PRRX1: variants seen among roughly 807,000 people sequenced by gnomAD.
PRRX1 encodes the protein paired mesoderm homeobox protein 1.
Under a neutral mutation model 24.0 loss-of-function variants are expected in PRRX1, and 8 were observed. The observed-to-expected ratio is 0.33, with a 90% CI of 0.20 to 0.60. PRRX1 has a LOEUF of 0.60. Ranked by LOEUF, PRRX1 falls within the 20% of genes least tolerant of loss-of-function variation. The pLI is 0.82. For synonymous variants in PRRX1, 160 were observed against 131.7 expected, an observed-to-expected ratio of 1.22 and a Z score of -1.47; for missense variants, 281 against 322.4, an observed-to-expected ratio of 0.87 and a Z score of 0.98.
Position 170,704,431 on chromosome 1 carries a change from A to T in PRRX1, c.242-15295A>T, listed in dbSNP as rs1654494410. Among the ~76,000 whole-genome samples, 2 of 152,336 alleles carry T rather than the reference A, an allele frequency of 1.3e-5. 1 individual carries two copies. The highest frequency in any genetic ancestry group is 6.8e-3 in the Middle Eastern group (2 of 294). On this transcript the variant is annotated intron_variant, in intron 1 of 3. Coordinates refer to ENST00000239461, the MANE Select transcript of PRRX1 (RefSeq NM_022716.4). The stretch of plus-strand genomic sequence containing the variant: ...TGGTTAACTTTTGGCATGAGACCAC[A>T]AAAAACACACTCCAAATATTCATCA...
intron 1 of PRRX1, among the ~76,000 whole-genome samples, chr1:170,708,342 A>T (rs1019494453): frequency 6.6e-6 from 1 of 151,798 alleles, no homozygotes; most frequent in African/African-American, 2.4e-5. Flanking sequence ...TTCTCATATG[A>T]CCTTAGTGCA....
intron 1 of PRRX1, among the ~76,000 whole-genome samples, chr1:170,697,589 A>T (rs1571329774): frequency 6.6e-6 from 1 of 151,028 alleles, no homozygotes; most frequent in African/African-American, 2.4e-5. Flanking sequence ...ACATTTTCTT[A>T]TATAGTTAAG....
chr1:170,681,494 C>CAAAAAAA (rs35891147), intron 1 of PRRX1, among the ~76,000 whole-genome samples: 2 of 143,802 alleles, frequency 1.4e-5, no homozygotes, highest in African/African-American at 5.1e-5. Flanking sequence ...GTTATCTTTG[C>CAAAAAAA]AAAAAAAAAA....
rs758241500 is a variant in PRRX1 at position 170,737,589 on chromosome 1, T to C, written c.*1403T>C. The C allele has an allele frequency of 3.3e-5, 7 of 213,162 alleles. No individual in the cohort carries two copies. Among genetic ancestry groups the C allele is most frequent in the Non-Finnish European group, 5.7e-5 (6 of 105,348 alleles). 13.2% of individuals were successfully genotyped at this position (213,162 alleles called of 1,614,324 possible). Reference sequence around the variant, plus strand: ...TTTAAGAGGAATACCTAAAGGTTTTTCTAAATTCCAACATTTAAAAGGCAA... The same window carrying C: ...TTTAAGAGGAATACCTAAAGGTTTTCCTAAATTCCAACATTTAAAAGGCAA... On this transcript the variant is annotated 3_prime_UTR_variant, in exon 4 of 4. Coordinates refer to ENST00000239461, the MANE Select transcript of PRRX1 (RefSeq NM_022716.4).
intron 1 of PRRX1, among the ~76,000 whole-genome samples, chr1:170,684,306 A>G (rs911523136): frequency 2.0e-5 from 3 of 152,192 alleles, no homozygotes; most frequent in Non-Finnish European, 4.4e-5. Context: ...TTATCTCAGA[A>G]ACTTAATCAG....
At position 170,709,042 on chromosome 1, in the gene PRRX1, T is replaced by G. The variant is rs115044251; in HGVS notation, c.242-10684T>G. Among the ~76,000 whole-genome samples, 399 of 152,284 alleles carry G rather than the reference T, an allele frequency of 2.6e-3. 2 individuals are homozygous for G. Among genetic ancestry groups the G allele is most frequent in the African/African-American group, 9.3e-3 (387 of 41,564 alleles). Reference sequence around the variant, plus strand: ...GTACCCAAAATATGGAAGACTAATGTCAGGTGCCGGGATAGCACAGTTAAC... The same window carrying G: ...GTACCCAAAATATGGAAGACTAATGGCAGGTGCCGGGATAGCACAGTTAAC... On this transcript the variant is annotated intron_variant, in intron 1 of 3. Coordinates refer to ENST00000239461, the MANE Select transcript of PRRX1 (RefSeq NM_022716.4).
chr1:170,676,644 A>AT (rs1653329824), intron 1 of PRRX1, among the ~76,000 whole-genome samples: 1 of 152,184 alleles, frequency 6.6e-6, no homozygotes, highest in Admixed American at 6.5e-5. Context: ...TATAAAGCCA[A>AT]TTTTAAGAAG....
intron 1 of PRRX1, among the ~76,000 whole-genome samples, chr1:170,677,432 G>A (rs758666346): frequency 1.3e-5 from 2 of 152,232 alleles, no homozygotes; most frequent in Non-Finnish European, 2.9e-5. Flanking sequence ...GGGAATGGTA[G>A]TAGGGTACTG....
At position 170,719,872 on chromosome 1, in the gene PRRX1, C is replaced by G. The variant is rs1471089409; in HGVS notation, c.388C>G (p.Arg130Gly). 6.2e-7 allele frequency: 1 copy of G among 1,614,094 alleles called. No homozygotes were observed. The highest frequency in any genetic ancestry group is 8.5e-7 in the Non-Finnish European group (1 of 1,180,016). Reference sequence around the variant, plus strand: ...TTTTGTGCGAGAAGACCTTGCCCGCCGGGTGAACCTCACCGAGGCGAGAGT... The same window carrying G: ...TTTTGTGCGAGAAGACCTTGCCCGCGGGGTGAACCTCACCGAGGCGAGAGT... ...DAFVREDLARRVNLTEARVQV... is the reference protein window; with the variant it reads ...DAFVREDLARGVNLTEARVQV... The change falls in exon 2 of 4, where the codon CGG (arginine) becomes GGG (glycine). Residue 130 changes from arginine (R) to glycine (G), a missense_variant. Transcript: ENST00000239461.
chr1:170,697,653 T>C (rs949465454), intron 1 of PRRX1, among the ~76,000 whole-genome samples: 1 of 148,558 alleles, frequency 6.7e-6, no homozygotes. Context: ...TTTATGTATC[T>C]GTAAATATAC....
At chr1:170,723,902 T>G (rs879931778) in intron 2 of PRRX1, among the ~76,000 whole-genome samples, 1 of 151,994 alleles carries the variant, frequency 6.6e-6, no homozygotes, top group Non-Finnish European at 1.5e-5. Context: ...TAGCAAAAAT[T>G]TGGTATTATA....
At position 170,689,076 on chromosome 1, in the gene PRRX1, C is replaced by G. The variant is rs568208929; in HGVS notation, c.241+24617C>G. ...TTATTGATCTGAAGTTGTATTTAAT[C>G]TATCAGAATATGCTCTTTTCTAATC... is the stretch of plus-strand genomic sequence containing the variant. On this transcript the variant is annotated intron_variant, in intron 1 of 3. Transcript: ENST00000239461. 5.9e-5 allele frequency among the ~76,000 whole-genome samples: 9 copies of G among 152,228 alleles called. No individual in the cohort carries two copies. The South Asian group carries it at 1.7e-3, about 28-fold the overall frequency.
At chr1:170,704,057 G>C (rs1181217716) in intron 1 of PRRX1, among the ~76,000 whole-genome samples, 2 of 152,118 alleles carry the variant, frequency 1.3e-5, no homozygotes, top group East Asian at 3.8e-4. Flanking sequence ...TTTTTATTCT[G>C]AAATATAACT....
At chr1:170,678,893 T>C (rs1189395332) in intron 1 of PRRX1, among the ~76,000 whole-genome samples, 1 of 152,048 alleles carries the variant, frequency 6.6e-6, no homozygotes, top group Non-Finnish European at 1.5e-5. Context: ...TGAACTGAGG[T>C]TTCTCAAAAT....
At chr1:170,734,505 A>G (rs1412165741) in intron 3 of PRRX1, among the ~76,000 whole-genome samples, 1 of 152,196 alleles carries the variant, frequency 6.6e-6, no homozygotes, top group Non-Finnish European at 1.5e-5. Flanking sequence ...GCAAAAGTTT[A>G]GTGTGTTATA....
In PRRX1 at chr1:170,738,940, G is replaced by A. The variant is rs1323180002; in HGVS notation, c.*2754G>A. On this transcript the variant is annotated 3_prime_UTR_variant, in exon 4 of 4. Coordinates refer to ENST00000239461, the MANE Select transcript of PRRX1 (RefSeq NM_022716.4). Reference sequence around the variant, plus strand: ...CACTGCTGGTGAACCAATACCATAAGCATGTATTATCTAAGCACTTGATCA... The same window carrying A: ...CACTGCTGGTGAACCAATACCATAAACATGTATTATCTAAGCACTTGATCA... 4.4e-6 allele frequency: 1 copy of A among 227,514 alleles called. No homozygotes were observed. The highest frequency in any genetic ancestry group is 8.7e-6 in the Non-Finnish European group (1 of 114,528). The allele number at this position is 227,514 out of a possible 1,614,324, so 14.1% of individuals were successfully genotyped here. A position where few individuals can be genotyped will look rare whatever the true frequency, so the allele number is the denominator to read the frequency against.
intron 1 of PRRX1, among the ~76,000 whole-genome samples, chr1:170,698,526 A>G (rs1482549660): frequency 2.6e-5 from 4 of 152,226 alleles, no homozygotes; most frequent in South Asian, 4.1e-4. Flanking sequence ...TTAGAATCAC[A>G]GTAGAGGCCT....
At chr1:170,718,390 T>A (rs1003742076) in intron 1 of PRRX1, among the ~76,000 whole-genome samples, 5 of 152,222 alleles carry the variant, frequency 3.3e-5, no homozygotes, top group Admixed American at 2.6e-4. Flanking sequence ...GATCATTCCC[T>A]CAATTTGTAA....
At chr1:170,673,887 C>T (rs1653220528) in intron 1 of PRRX1, among the ~76,000 whole-genome samples, 2 of 152,320 alleles carry the variant, frequency 1.3e-5, no homozygotes, top group Admixed American at 6.5e-5. Flanking sequence ...TCCTGGCTCA[C>T]CTGCACTGCT....
Sources: gnomAD v4.1 joint callset for allele counts (sites outside exome capture counted in the v4.1 genomes callset) on GRCh38, gnomAD v4.1.1 for gene constraint, MANE v1.5 for transcripts, NCBI Gene and HGNC (gene_info 2026-07-23, HGNC 2026-07-21) for gene names.